The following PATJ variants were observed in gnomAD, a reference collection of about 807,000 sequenced individuals.
PATJ encodes inaD-like protein.
A neutral mutation model predicts 224.9 loss-of-function variants in PATJ; 190 were observed. The ratio of observed to expected loss-of-function variants is 0.84; its 90% CI spans 0.75 to 0.95. PATJ has a LOEUF of 0.95. Among genes scored for constraint, PATJ ranks in the 40% least tolerant of loss-of-function variants. PATJ has a pLI of 0.00. For synonymous variants in PATJ, 769 were observed against 820.3 expected, an observed-to-expected ratio of 0.94 and a Z score of 1.07; for missense variants, 2,121 against 2,270.3, an observed-to-expected ratio of 0.93 and a Z score of 1.34.
intron 27 of PATJ, among the ~76,000 whole-genome samples, chr1:61,966,517 C>T (rs1236817914): frequency 6.6e-6 from 1 of 152,022 alleles, no homozygotes; most frequent in East Asian, 1.9e-4. Flanking sequence ...GAAACTCCAT[C>T]TCTACCAAAA....
At chr1:62,008,169 C>T (rs564258548) in intron 28 of PATJ, among the ~76,000 whole-genome samples, 2 of 152,272 alleles carry the variant, frequency 1.3e-5, no homozygotes, top group Admixed American at 6.5e-5. Flanking sequence ...TCTTGGTTGT[C>T]CTAGCCTATG....
At chr1:61,827,274 TAAA>T in intron 15 of PATJ, 145 bp from the exon 16 acceptor site, 1 of 604,432 alleles carries the variant, frequency 1.7e-6, no homozygotes, top group Non-Finnish European at 2.7e-6. Context: ...TATTTAATCA[TAAA>T]TAATATGATG....
chr1:61,896,232 G>T (rs1225580368), intron 22 of PATJ, among the ~76,000 whole-genome samples: 1 of 151,120 alleles, frequency 6.6e-6, no homozygotes, highest in African/African-American at 2.4e-5. Flanking sequence ...GGAGGTGGAG[G>T]TTGCAATGAC....
intron 8 of PATJ, 56 bp downstream of exon 8, chr1:61,788,028 T>C: frequency 7.3e-7 from 1 of 1,378,540 alleles, no homozygotes; most frequent in Non-Finnish European, 1.0e-6. Flanking sequence ...TGACACACTG[T>C]AAGATAAGAA....
Position 62,128,928 on chromosome 1 carries a change from G to T in PATJ, c.5254G>T (p.Gly1752Trp), listed in dbSNP as rs746900618. The T allele has an allele frequency of 6.2e-7, 1 of 1,610,238 alleles. No individual in the cohort carries two copies. Among genetic ancestry groups the T allele is most frequent in the Admixed American group, 1.7e-5 (1 of 59,962 alleles). The change falls in exon 41 of 44, where the codon GGG (glycine) becomes TGG (tryptophan). Residue 1752 changes from glycine to tryptophan, a missense_variant. By Grantham distance (184) the Gly-to-Trp change is radical. Transcript: ENST00000642238. ...DVVNLLKNAY[G>W]RIILQVVADT... The stretch of plus-strand genomic sequence containing the variant: ...GGTTAATCTGCTGAAGAACGCCTAC[G>T]GGCGCATTATCCTGCAGGTATTGCG...
chr1:61,775,319 A>C lies in PATJ; in HGVS notation c.834A>C (p.Gly278=), dbSNP rs1646852734. 2 of 1,609,504 alleles carry C rather than the reference A, an allele frequency of 1.2e-6. No homozygotes were observed. Among genetic ancestry groups the C allele is most frequent in the Non-Finnish European group, 1.7e-6 (2 of 1,178,736 alleles). Residue 278 remains glycine, a synonymous_variant, in exon 7 of 44, where the codon GGA becomes GGC. Coordinates refer to ENST00000642238, the MANE Select transcript of PATJ (RefSeq NM_001350145.3). ...TGGTTGTGAGGACTATAGTTCCTGGAGGATTAGCAGATCGAGTAAGTCAAC... is the reference window on the plus strand; with the variant it reads ...TGGTTGTGAGGACTATAGTTCCTGGCGGATTAGCAGATCGAGTAAGTCAAC... ...SGVVVRTIVP[G]GLADRDGRLQ... is the part of the protein sequence containing the mutation.
intron 1 of PATJ, among the ~76,000 whole-genome samples, chr1:61,749,784 T>TCC (rs1464641147): frequency 2.0e-5 from 3 of 151,912 alleles, no homozygotes; most frequent in African/African-American, 7.3e-5. Flanking sequence ...GCTCAACTGA[T>TCC]CCTCCCACCT....
At chr1:61,796,037 A>T (rs939940050) in intron 10 of PATJ, among the ~76,000 whole-genome samples, 2 of 152,206 alleles carry the variant, frequency 1.3e-5, no homozygotes, top group Non-Finnish European at 2.9e-5. Flanking sequence ...TCTTTCCCCC[A>T]TTTAGTAGAA....
chr1:61,869,829 T>TG (rs1341266114), intron 20 of PATJ, among the ~76,000 whole-genome samples: 1 of 152,098 alleles, frequency 6.6e-6, no homozygotes, highest in East Asian at 1.9e-4. Context: ...TCACCCCTCA[T>TG]GGGAGGGGAG....
At chr1:62,137,388 G>T (rs1374270169) in intron 41 of PATJ, among the ~76,000 whole-genome samples, 2 of 119,642 alleles carry the variant, frequency 1.7e-5, no homozygotes, top group Non-Finnish European at 3.5e-5. Flanking sequence ...TTCGTCGGAG[G>T]GGGGAACATA....
At chr1:61,888,381 A>T (rs975715963) in intron 22 of PATJ, among the ~76,000 whole-genome samples, 6 of 151,998 alleles carry the variant, frequency 3.9e-5, no homozygotes, top group Admixed American at 1.3e-4. Flanking sequence ...GGTTCACACC[A>T]TCCTCCCACC....
chr1:61,874,458 A>G (rs1319848397), intron 20 of PATJ, among the ~76,000 whole-genome samples: 1 of 151,720 alleles, frequency 6.6e-6, no homozygotes, highest in Non-Finnish European at 1.5e-5. Flanking sequence ...TGGCCTCCCA[A>G]AGTGTTGGGA....
At chr1:61,889,761 A>G (rs1467016028) in intron 22 of PATJ, among the ~76,000 whole-genome samples, 2 of 152,216 alleles carry the variant, frequency 1.3e-5, no homozygotes, top group Admixed American at 6.5e-5. Context: ...ATGGCATGCA[A>G]TTTAAAACCT....
At chr1:62,024,947 T>C (rs1004184909) in intron 29 of PATJ, among the ~76,000 whole-genome samples, 3 of 152,182 alleles carry the variant, frequency 2.0e-5, no homozygotes, top group Non-Finnish European at 4.4e-5. Flanking sequence ...TCATTCTGTT[T>C]CCTACTTCCT....
intron 39 of PATJ, 99 bp from the exon 40 acceptor site, chr1:62,127,873 C>T: frequency 8.2e-7 from 1 of 1,224,908 alleles, no homozygotes; most frequent in Non-Finnish European, 1.2e-6. Flanking sequence ...GGCCTCCTAC[C>T]TCATGGAGGG....
chr1:62,056,035 C>T (rs1201693437), intron 31 of PATJ, among the ~76,000 whole-genome samples: 3 of 152,144 alleles, frequency 2.0e-5, no homozygotes, highest in South Asian at 2.1e-4. Context: ...CAGAAAAGAG[C>T]GAATTCACCT....
chr1:61,754,591 G>T (rs1165155055), intron 1 of PATJ, among the ~76,000 whole-genome samples: 3 of 148,738 alleles, frequency 2.0e-5, no homozygotes, highest in East Asian at 4.0e-4. Context: ...CAAACTCCTG[G>T]GCTCAAGCAA....
At chr1:61,793,603 C>G (rs921632620) in intron 9 of PATJ, among the ~76,000 whole-genome samples, 1 of 151,324 alleles carries the variant, frequency 6.6e-6, no homozygotes, top group African/African-American at 2.4e-5. Flanking sequence ...ATTGTAGCCG[C>G]AGCTACTCGG....
chr1:61,792,295 A>G (rs993249719), intron 9 of PATJ, among the ~76,000 whole-genome samples: 2 of 152,224 alleles, frequency 1.3e-5, no homozygotes, highest in Non-Finnish European at 2.9e-5. Flanking sequence ...ATTTAGGTTC[A>G]GAATTTAATG....
Sources: allele counts gnomAD v4.1 joint callset (sites outside exome capture counted in the v4.1 genomes callset), GRCh38; gene constraint gnomAD v4.1.1; transcripts MANE v1.5; gene names NCBI Gene and HGNC (gene_info 2026-07-23, HGNC 2026-07-21).